Variants in ISG20 observed in about 807,000 individuals in gnomAD.
ISG20 encodes interferon-stimulated gene 20 kDa protein.
Under a neutral mutation model 11.1 loss-of-function variants are expected in ISG20, and 8 were observed. That is an observed-to-expected ratio of 0.72 (90% confidence interval 0.42 to 1.30). The LOEUF (loss-of-function observed/expected upper bound fraction) is 1.30. ISG20 is among the 50% of genes most tolerant of loss of function. The probability of loss-of-function intolerance (pLI) is 0.01; values close to 1 mark genes in which losing one functional copy is unlikely to be tolerated. For missense variants in ISG20, 243 were observed against 250.2 expected (o/e 0.97, Z 0.19); for synonymous variants, 110 against 101.7 (o/e 1.08, Z -0.49).
Position 88,639,463 on chromosome 15 carries a change from G to C in ISG20, c.97G>C (p.Val33Leu), listed in dbSNP as rs865959092. 6.2e-7 allele frequency: 1 copy of C among 1,614,060 alleles called. No individual in the cohort carries two copies. The highest frequency in any genetic ancestry group is 2.2e-5 in the East Asian group (1 of 44,896). ...CCTGGCTCGTTGCAGCCTCGTGAAC[G>C]TCCACGGTGCTGTGCTGTACGACAA... is the stretch of plus-strand genomic sequence containing the variant. Reference protein sequence around the residue: ...SGLARCSLVNVHGAVLYDKFI... With the variant: ...SGLARCSLVNLHGAVLYDKFI... Residue 33 changes from valine to leucine, a missense_variant, in exon 2 of 4, where the codon GTC (valine) becomes CTC (leucine). Physicochemically the swap from Val to Leu is conservative, Grantham distance 32. Transcript: ENST00000306072. The surrounding 1 kb of genome is among the most constrained non-coding windows in gnomAD (Gnocchi z 4.2).
chr15:88,653,014 A>G (rs149672525), intron 3 of ISG20, among the ~76,000 whole-genome samples: 1 of 152,010 alleles, frequency 6.6e-6, no homozygotes, highest in Non-Finnish European at 1.5e-5. Flanking sequence ...GCATACGGAT[A>G]TGGGGGGTTG....
intron 3 of ISG20, among the ~76,000 whole-genome samples, chr15:88,652,988 A>G (rs56741406): frequency 0.2 from 29,869 of 151,816 alleles, 3,513 homozygotes; most frequent in East Asian, 0.57. Flanking sequence ...CTGGTGGGCA[A>G]AGCAGGCAGG....
Position 88,652,019 on chromosome 15 carries a change from C to A in ISG20, c.229-91C>A, listed in dbSNP as rs114046604. On this transcript the variant is annotated intron_variant, in intron 2 of 3. Coordinates refer to ENST00000306072, the MANE Select transcript of ISG20 (RefSeq NM_002201.6). The stretch of plus-strand genomic sequence containing the variant: ...TGATAATTTGCCCAAGGTCACACAG[C>A]CAGTCAAGGAGGGATTGCTCCCTTG... 2.3e-3 allele frequency: 3,679 copies of A among 1,574,954 alleles called. 83 individuals are homozygous for A. In the African/African-American group the frequency reaches 0.044, roughly 19 times the overall value.
Position 88,650,429 on chromosome 15 carries a change from C to T in ISG20, c.229-1681C>T, listed in dbSNP as rs1438743002. 1.3e-5 allele frequency: 19 copies of T among 1,489,630 alleles called. No individual in the cohort carries two copies. The East Asian group carries it at 2.2e-4, about 18-fold the overall frequency. 92.3% of individuals were successfully genotyped at this position (1,489,630 alleles called of 1,614,324 possible). ...TCTGGCTCAGTGTGGCAGTGGCAGG[C>T]GGGCTCTGGATTCATCCCACTGGCT... is the stretch of plus-strand genomic sequence containing the variant. On this transcript the variant is annotated intron_variant, in intron 2 of 3. Transcript: ENST00000306072. This position sits in a 1 kb window ranked among gnomAD's most constrained non-coding sequence, Gnocchi z 4.0.
upstream of ISG20, chr15:88,636,423 G>C (rs2057985892): frequency 6.6e-6 from 1 of 152,284 alleles, no homozygotes; most frequent in South Asian, 2.1e-4. Context: ...CCCAGGCAGG[G>C]TTCTAGGTGC....
chr15:88,639,726 G>A lies in ISG20; in HGVS notation c.228+132G>A, dbSNP rs745409984. 2.8e-5 allele frequency: 19 copies of A among 688,908 alleles called. No homozygotes were observed. Among genetic ancestry groups the A allele is most frequent in the Admixed American group, 5.3e-5 (2 of 37,740 alleles). The allele number at this position is 688,908 out of a possible 1,614,324, so 42.7% of individuals were successfully genotyped here. A position where few individuals can be genotyped will look rare whatever the true frequency, so the allele number is the denominator to read the frequency against. The stretch of plus-strand genomic sequence containing the variant: ...TTTCCCACACTGCTGTTGGGAGAAA[G>A]CCGGTGGTGTCTCCATCACATCCTG... On this transcript the variant is annotated intron_variant, in intron 2 of 3. Coordinates refer to ENST00000306072, the MANE Select transcript of ISG20 (RefSeq NM_002201.6). This position sits in a 1 kb window ranked among gnomAD's most constrained non-coding sequence, Gnocchi z 4.2.
chr15:88,650,037 C>T lies in ISG20; in HGVS notation c.229-2073C>T, dbSNP rs143957749. On this transcript the variant is annotated intron_variant, in intron 2 of 3. Transcript: ENST00000306072. The surrounding 1 kb of genome is among the most constrained non-coding windows in gnomAD (Gnocchi z 4.0). Reference sequence around the variant, plus strand: ...GGGAACACATGATGTTCCAGGAGGCCGCTGGCTATCTAGAAGGAGAAGCAG... The same window carrying T: ...GGGAACACATGATGTTCCAGGAGGCTGCTGGCTATCTAGAAGGAGAAGCAG... 746 of 582,868 alleles carry T rather than the reference C, an allele frequency of 1.3e-3. 6 individuals carry two copies. The highest frequency in any genetic ancestry group is 0.013 in the African/African-American group (682 of 53,636). 36.1% of individuals were successfully genotyped at this position (582,868 alleles called of 1,614,324 possible).
At chr15:88,637,414 G>GA (rs2058001868), upstream of ISG20, 1 of 148,690 alleles carries the variant, frequency 6.7e-6, no homozygotes, top group South Asian at 2.1e-4. Flanking sequence ...AACAGTACAA[G>GA]AGATTAGATT....
In ISG20 at chr15:88,655,942, G is replaced by T. The variant is rs1358380481; in HGVS notation, c.*411G>T. 7.6e-5 allele frequency: 12 copies of T among 158,710 alleles called. No homozygotes were observed. Among genetic ancestry groups the T allele is most frequent in the Non-Finnish European group, 1.5e-4 (11 of 72,442 alleles). 9.8% of individuals were successfully genotyped at this position (158,710 alleles called of 1,614,324 possible). Reference sequence around the variant, plus strand: ...GGTGGCATTCAGCTCCTCTTGAGTTGGTGCCACAGCATTTGTGGGCTTTGA... The same window carrying T: ...GGTGGCATTCAGCTCCTCTTGAGTTTGTGCCACAGCATTTGTGGGCTTTGA... On this transcript the variant is annotated 3_prime_UTR_variant, in exon 4 of 4. Transcript: ENST00000306072.
In ISG20 at chr15:88,650,714, C is replaced by T. The variant is rs1567121331; in HGVS notation, c.229-1396C>T. On this transcript the variant is annotated intron_variant, in intron 2 of 3. Transcript: ENST00000306072. The surrounding 1 kb of genome is among the most constrained non-coding windows in gnomAD (Gnocchi z 4.0). Reference sequence around the variant, plus strand: ...TGGCCTGCCTTGGACACATCACTATCTCGGTGGCTTTTCCCCGTGGTCTTT... The same window carrying T: ...TGGCCTGCCTTGGACACATCACTATTTCGGTGGCTTTTCCCCGTGGTCTTT... 1 of 176,056 alleles carries T rather than the reference C, an allele frequency of 5.7e-6. No individual in the cohort carries two copies. Among genetic ancestry groups the T allele is most frequent in the Admixed American group, 5.9e-5 (1 of 17,034 alleles). 10.9% of individuals were successfully genotyped at this position (176,056 alleles called of 1,614,324 possible).
chr15:88,641,181 A>T (rs2058074949), intron 2 of ISG20, among the ~76,000 whole-genome samples: 1 of 151,950 alleles, frequency 6.6e-6, no homozygotes, highest in African/African-American at 2.4e-5. Context: ...TTTTTGGTAG[A>T]GATGGGGCTT....
chr15:88,654,291 C>A (rs2058338327), intron 3 of ISG20, among the ~76,000 whole-genome samples: 1 of 152,174 alleles, frequency 6.6e-6, no homozygotes. Context: ...GACGACGCCA[C>A]CATGCTACCT....
chr15:88,639,505 G>A lies in ISG20; in HGVS notation c.139G>A (p.Gly47Arg). The change falls in exon 2 of 4, where the codon GGA becomes AGA. Residue 47 changes from glycine to arginine, a missense_variant. By Grantham distance (125) the Gly-to-Arg change is moderately radical (BLOSUM62 -2). Transcript: ENST00000306072. This position sits in a 1 kb window ranked among gnomAD's most constrained non-coding sequence, Gnocchi z 4.2. Reference sequence around the variant, plus strand: ...GTACGACAAGTTCATCCGGCCTGAGGGAGAGATCACCGATTACAGAACCCG... The same window carrying A: ...GTACGACAAGTTCATCCGGCCTGAGAGAGAGATCACCGATTACAGAACCCG... Reference protein sequence around the residue: ...VLYDKFIRPEGEITDYRTRVS... With the variant: ...VLYDKFIRPEREITDYRTRVS... 1 of 1,614,172 alleles carries A rather than the reference G, an allele frequency of 6.2e-7. No individual in the cohort carries two copies. Among genetic ancestry groups the A allele is most frequent in the Non-Finnish European group, 8.5e-7 (1 of 1,180,030 alleles).
intron 2 of ISG20, chr15:88,648,446 T>C (rs1042968571): frequency 5.3e-5 from 8 of 152,204 alleles, no homozygotes; most frequent in Admixed American, 2.0e-4. Flanking sequence ...CAGTGGAAGG[T>C]GTGTGCAGGC....
intron 2 of ISG20, among the ~76,000 whole-genome samples, chr15:88,641,449 G>T (rs1020928309): frequency 1.3e-5 from 2 of 152,154 alleles, no homozygotes; most frequent in Non-Finnish European, 2.9e-5. Flanking sequence ...TGAGATCCAG[G>T]TGTCGCCCAG....
rs990712044 is a variant in ISG20, at chr15:88,639,934, G to A, written c.228+340G>A. 6.6e-6 allele frequency among the ~76,000 whole-genome samples: 1 copy of A among 152,224 alleles called. No homozygotes were observed. Among genetic ancestry groups the A allele is most frequent in the East Asian group, 1.9e-4 (1 of 5,198 alleles). On this transcript the variant is annotated intron_variant, in intron 2 of 3. Transcript: ENST00000306072. This position sits in a 1 kb window ranked among gnomAD's most constrained non-coding sequence, Gnocchi z 4.2. Reference sequence around the variant, plus strand: ...CCCCAGGCTGCCACTGGTGAGACCTGTGGGGAAATGAGAGGATTCTTGGCT... The same window carrying A: ...CCCCAGGCTGCCACTGGTGAGACCTATGGGGAAATGAGAGGATTCTTGGCT...
Position 88,639,692 on chromosome 15 carries a change from C to T in ISG20, c.228+98C>T. ...TGCCCATCTGTGACCTGTGACCCCA[C>T]TTGTAAGATTTCCCACACTGCTGTT... is the stretch of plus-strand genomic sequence containing the variant. On this transcript the variant is annotated intron_variant, in intron 2 of 3. Transcript: ENST00000306072. The surrounding 1 kb of genome is among the most constrained non-coding windows in gnomAD (Gnocchi z 4.2). The T allele has an allele frequency of 2.2e-6, 2 of 909,440 alleles. No individual in the cohort carries two copies. Among genetic ancestry groups the T allele is most frequent in the South Asian group, 1.5e-5 (1 of 64,698 alleles). The allele number at this position is 909,440 out of a possible 1,614,324, so 56.3% of individuals were successfully genotyped here.
chr15:88,639,294 G>A lies in ISG20; in HGVS notation c.-24-49G>A, dbSNP rs2058038646. On this transcript the variant is annotated intron_variant, in intron 1 of 3. Transcript: ENST00000306072. The surrounding 1 kb of genome is among the most constrained non-coding windows in gnomAD (Gnocchi z 4.2). ...CTGGGGTTGGCTGAGGACACCTGGAGGCTTGGTTTGCCCAAGCGTGAGACC... is the reference window on the plus strand; with the variant it reads ...CTGGGGTTGGCTGAGGACACCTGGAAGCTTGGTTTGCCCAAGCGTGAGACC... 1 of 1,220,030 alleles carries A rather than the reference G, an allele frequency of 8.2e-7. No homozygotes were observed. The allele number at this position is 1,220,030 out of a possible 1,614,324, so 75.6% of individuals were successfully genotyped here. A position where few individuals can be genotyped will look rare whatever the true frequency, so the allele number is the denominator to read the frequency against.
intron 3 of ISG20, among the ~76,000 whole-genome samples, chr15:88,653,422 C>A (rs1057053228): frequency 6.6e-6 from 1 of 152,094 alleles, no homozygotes; most frequent in South Asian, 2.1e-4. Context: ...CTGGGGAGCA[C>A]GGAGCCCGCC....
Sources: gnomAD v4.1 joint callset for allele counts (sites outside exome capture counted in the v4.1 genomes callset) on GRCh38, gnomAD v4.1.1 for gene constraint, Gnocchi (gnomAD v3.1) non-coding constraint, MANE v1.5 for transcripts, NCBI Gene and HGNC (gene_info 2026-07-23, HGNC 2026-07-21) for gene names.